Variants in TNRC18 observed in about 807,000 individuals in gnomAD.
The protein encoded by TNRC18 is trinucleotide repeat containing 18.
A neutral mutation model predicts 226.7 loss-of-function variants in TNRC18; 69 were observed. That is an observed-to-expected ratio of 0.30 (90% CI 0.25 to 0.37). The LOEUF is 0.37. TNRC18 is among the 10% of genes least tolerant of loss of function. The pLI, the probability that TNRC18 is intolerant of heterozygous loss-of-function variation, is 1.00. For synonymous variants in TNRC18, 2,449 were observed against 1,927.6 expected (o/e 1.27, Z -7.09); for missense variants, 4,754 against 4,256.6 (o/e 1.12, Z -3.25).
In TNRC18 at chr7:5,394,655, G is replaced by GCCCACCGCCCCGACCCACCGCCCCGA; in HGVS notation, c.188-86_188-61dup. ...CAACCAGGGAGGCGCCGCCGCCCCA[G>GCCCACCGCCCCGACCCACCGCCCCGA]CCCACCGCCCCGACCCACCGCCCCG... On this transcript the variant is annotated intron_variant, in intron 2 of 29. Coordinates refer to ENST00000430969, the MANE Select transcript of TNRC18 (RefSeq NM_001080495.3). The surrounding 1 kb of genome is among the most constrained non-coding windows in gnomAD (Gnocchi z 4.5). 8.0e-7 allele frequency: 1 copy of GCCCACCGCCCCGACCCACCGCCCCGA among 1,250,098 alleles called. No homozygotes were observed. The highest frequency in any genetic ancestry group is 1.1e-6 in the Non-Finnish European group (1 of 927,350). 77.4% of individuals were successfully genotyped at this position (1,250,098 alleles called of 1,614,324 possible). A position where few individuals can be genotyped will look rare whatever the true frequency, so the allele number is the denominator to read the frequency against.
chr7:5,402,553 T>C (rs1781180052), intron 2 of TNRC18, among the ~76,000 whole-genome samples: 1 of 144,346 alleles, frequency 6.9e-6, no homozygotes, highest in Admixed American at 7.0e-5. Flanking sequence ...AAAAAAAAAT[T>C]AGAAAATAAT....
At chr7:5,404,560 G>A (rs1001859766) in intron 2 of TNRC18, among the ~76,000 whole-genome samples, 1 of 152,126 alleles carries the variant, frequency 6.6e-6, no homozygotes, top group Non-Finnish European at 1.5e-5. Context: ...CGGGAAGGAT[G>A]AGAACTGAGC....
At chr7:5,320,705 G>T in intron 22 of TNRC18, 98 bp from the exon 23 acceptor site, 1 of 994,460 alleles carries the variant, frequency 1.0e-6, no homozygotes, top group Non-Finnish European at 1.5e-6. Context: ...CCACTGGGAG[G>T]TAACACCAGG....
chr7:5,373,864 G>GC (rs1794382089), intron 10 of TNRC18, among the ~76,000 whole-genome samples, 191 bp downstream of exon 10: 1 of 152,112 alleles, frequency 6.6e-6, no homozygotes, highest in African/African-American at 2.4e-5. Flanking sequence ...CTGAGGAGGG[G>GC]CCGGGGAGAG....
rs1780000256 is a variant in TNRC18 at position 5,388,542 on chromosome 7, C to G, written c.1282G>C (p.Glu428Gln). The G allele has an allele frequency of 3.8e-6, 5 of 1,314,938 alleles. No individual in the cohort carries two copies. Among genetic ancestry groups the G allele is most frequent in the Non-Finnish European group, 4.8e-6 (5 of 1,035,650 alleles). The allele number at this position is 1,314,938 out of a possible 1,614,324, so 81.5% of individuals were successfully genotyped here. ...AGCGAGCGGATGACCGAGTTCTTCT[C>G]GCGCAGGCCCTCGGGCCGGTCCAGA... Reference protein sequence around the residue: ...RPLDRPEGLREKNSVIRSLKR... With the variant: ...RPLDRPEGLRQKNSVIRSLKR... Residue 428 changes from glutamate to glutamine, a missense_variant, in exon 5 of 30, where the codon GAG (glutamate) becomes CAG (glutamine). Transcript: ENST00000430969.
Position 5,312,962 on chromosome 7 carries a change from G to T in TNRC18, c.7929C>A (p.Ser2643=), listed in dbSNP as rs1408432185. 4.0e-6 allele frequency: 5 copies of T among 1,235,002 alleles called. No individual in the cohort carries two copies. The African/African-American group carries it at 6.2e-5, about 15-fold the overall frequency. 76.5% of individuals were successfully genotyped at this position (1,235,002 alleles called of 1,614,324 possible). A position where few individuals can be genotyped will look rare whatever the true frequency, so the allele number is the denominator to read the frequency against. The change falls in exon 27 of 30, where the codon TCC becomes TCA. Residue 2643 remains serine (S), a synonymous_variant. Transcript: ENST00000430969. The surrounding 1 kb of genome is among the most constrained non-coding windows in gnomAD (Gnocchi z 6.3). The part of the protein sequence containing the change: ...SSSSSSSSSS[S]SSSSSSSSSS... The stretch of plus-strand genomic sequence containing the variant: ...AGGAGGAAGAGGAGGAAGACGAAGA[G>T]GAAGAGGAGGAGGAGGAAGAGGAGG...
At chr7:5,392,704 A>G (rs975115630) in intron 3 of TNRC18, among the ~76,000 whole-genome samples, 1 of 151,968 alleles carries the variant, frequency 6.6e-6, no homozygotes, top group African/African-American at 2.4e-5. Context: ...CCGTCTGTAA[A>G]ATGGACCTAA....
intron 15 of TNRC18, among the ~76,000 whole-genome samples, 182 bp from the exon 16 acceptor site, chr7:5,357,458 C>T (rs1792564001): frequency 6.6e-6 from 1 of 152,080 alleles, no homozygotes; most frequent in African/African-American, 2.4e-5. Context: ...GTCGCCCAGC[C>T]TGGGGTTCAG....
intron 2 of TNRC18, among the ~76,000 whole-genome samples, chr7:5,414,277 A>G (rs913778490): frequency 1.3e-5 from 2 of 151,598 alleles, no homozygotes; most frequent in African/African-American, 2.4e-5. Context: ...TACTTGATGT[A>G]CCATCGTCTC....
intron 2 of TNRC18, among the ~76,000 whole-genome samples, chr7:5,404,243 T>C (rs1022039442): frequency 1.3e-5 from 2 of 152,156 alleles, no homozygotes; most frequent in African/African-American, 2.4e-5. Flanking sequence ...TGGTGGCACA[T>C]GCCTGTAATC....
intron 17 of TNRC18, 55 bp downstream of exon 17, chr7:5,351,764 C>T: frequency 2.7e-6 from 4 of 1,502,752 alleles, no homozygotes; most frequent in Non-Finnish European, 3.6e-6. Context: ...CGCTCACTCG[C>T]ACGCACTCTC....
chr7:5,382,906 T>C (rs1292969556), intron 5 of TNRC18, among the ~76,000 whole-genome samples: 1 of 151,948 alleles, frequency 6.6e-6, no homozygotes, highest in African/African-American at 2.4e-5. Context: ...TGCTTTCTAT[T>C]TTTGGGGTGG....
chr7:5,342,293 G>A (rs1172745905), intron 18 of TNRC18, among the ~76,000 whole-genome samples: 2 of 152,144 alleles, frequency 1.3e-5, no homozygotes, highest in Non-Finnish European at 2.9e-5. Context: ...GCCAGGTGTG[G>A]TGGCGGGCAC....
chr7:5,314,811 G>C (rs949830438), intron 26 of TNRC18, among the ~76,000 whole-genome samples, 173 bp downstream of exon 26: 1 of 152,072 alleles, frequency 6.6e-6, no homozygotes, highest in African/African-American at 2.4e-5. Flanking sequence ...GACATCAGCC[G>C]ATCTGCTCGC....
intron 3 of TNRC18, among the ~76,000 whole-genome samples, chr7:5,393,178 G>A (rs762549168): frequency 2.6e-5 from 4 of 152,210 alleles, no homozygotes; most frequent in South Asian, 4.1e-4. Flanking sequence ...TGAGCTGGTG[G>A]CAGACAGTCC....
chr7:5,388,942 G>A lies in TNRC18; in HGVS notation c.882C>T (p.Pro294=), dbSNP rs780255347. 3.3e-5 allele frequency: 46 copies of A among 1,386,584 alleles called. No individual in the cohort carries two copies. In the Admixed American group the frequency reaches 6.6e-4, roughly 20 times the overall value. The allele number at this position is 1,386,584 out of a possible 1,614,324, so 85.9% of individuals were successfully genotyped here. ...CGCGCCCCGCTTCGGCCACCAGCGC[G>A]GGCAGCCCCACGTCCCCGGCGCCGC... ...CNGGAGDVGL[P]ALVAEAGRGG... The change falls in exon 5 of 30, where the codon CCC becomes CCT. Residue 294 remains proline (P), a synonymous_variant. Coordinates refer to ENST00000430969, the MANE Select transcript of TNRC18 (RefSeq NM_001080495.3).
chr7:5,411,966 T>C (rs1379564266), intron 2 of TNRC18, among the ~76,000 whole-genome samples: 4 of 151,922 alleles, frequency 2.6e-5, no homozygotes, highest in African/African-American at 9.7e-5. Flanking sequence ...AAGAGGATTA[T>C]TTGAGCTCAG....
At chr7:5,373,992 G>T (rs887880814) in intron 10 of TNRC18, 63 bp downstream of exon 10, 14 of 1,282,580 alleles carry the variant, frequency 1.1e-5, no homozygotes, top group Non-Finnish European at 1.5e-5. Context: ...ATGAAAAGAT[G>T]GATGAGCAGT....
chr7:5,340,121 C>G (rs555585109), intron 18 of TNRC18, among the ~76,000 whole-genome samples: 1 of 152,290 alleles, frequency 6.6e-6, no homozygotes, highest in African/African-American at 2.4e-5. Context: ...TTAAGCCAGT[C>G]AAAAGCCAAG....
Sources: gnomAD v4.1 joint callset for allele counts (sites outside exome capture counted in the v4.1 genomes callset) on GRCh38, gnomAD v4.1.1 for gene constraint, Gnocchi (gnomAD v3.1) non-coding constraint, MANE v1.5 for transcripts, NCBI Gene and HGNC (gene_info 2026-07-23, HGNC 2026-07-21) for gene names.